The following CTNNA3 variants were observed in gnomAD, a reference collection of about 807,000 sequenced individuals.
CTNNA3 encodes catenin alpha-3.
Under a neutral mutation model 95.7 loss-of-function variants are expected in CTNNA3, and 76 were observed. That is an observed-to-expected ratio of 0.79 (90% CI 0.66 to 0.96). The LOEUF is 0.96. Ranked by LOEUF, CTNNA3 falls within the 40% of genes least tolerant of loss-of-function variation. The probability of loss-of-function intolerance (pLI) is 0.00; values close to 1 mark genes in which losing one functional copy is unlikely to be tolerated. For synonymous variants in CTNNA3, 431 were observed against 374.4 expected, an observed-to-expected ratio of 1.15 and a Z score of -1.74; for missense variants, 1,191 against 1,089.8, an observed-to-expected ratio of 1.09 and a Z score of -1.31.
At chr10:66,775,369 AC>A in intron 8 of CTNNA3, 74 bp downstream of exon 8, 1 of 990,360 alleles carries the variant, frequency 1.0e-6, no homozygotes, top group Non-Finnish European at 1.5e-6. Context: ...AAAACAAGAA[AC>A]AAATATGCCT....
intron 5 of CTNNA3, among the ~76,000 whole-genome samples, chr10:67,389,920 G>A (rs1844382349): frequency 1.3e-5 from 2 of 150,544 alleles, no homozygotes; most frequent in African/African-American, 4.9e-5. Context: ...TGTGTAGAGG[G>A]AAATTTATAG....
At chr10:67,630,276 A>AC (rs1839099210) in intron 2 of CTNNA3, among the ~76,000 whole-genome samples, 1 of 152,224 alleles carries the variant, frequency 6.6e-6, no homozygotes, top group Admixed American at 6.5e-5. Context: ...ATCCACTTTG[A>AC]CCACATAACT....
chr10:66,935,589 A>T (rs1449071111), intron 7 of CTNNA3, among the ~76,000 whole-genome samples: 1 of 151,962 alleles, frequency 6.6e-6, no homozygotes, highest in Admixed American at 6.6e-5. Flanking sequence ...TTACATACGT[A>T]TTTGTATTTC....
chr10:67,729,969 C>T (rs1317592887), intron 1 of CTNNA3, among the ~76,000 whole-genome samples: 1 of 152,112 alleles, frequency 6.6e-6, no homozygotes, highest in Non-Finnish European at 1.5e-5. Flanking sequence ...GCTCCTAACA[C>T]TGTACAAAAG....
At chr10:67,159,374 C>CAG (rs1861441441) in intron 7 of CTNNA3, among the ~76,000 whole-genome samples, 6 of 152,294 alleles carry the variant, frequency 3.9e-5, no homozygotes, top group African/African-American at 1.4e-4. Flanking sequence ...GAGGTTTTGT[C>CAG]TGCGGCTCGT....
intron 3 of CTNNA3, among the ~76,000 whole-genome samples, chr10:67,543,489 C>T (rs1374951014): frequency 2.6e-5 from 4 of 151,852 alleles, no homozygotes; most frequent in East Asian, 3.8e-4. Context: ...TCTAAAAGTG[C>T]TTATATTGAT....
intron 7 of CTNNA3, among the ~76,000 whole-genome samples, chr10:66,837,897 G>C (rs1461869326): frequency 6.6e-6 from 1 of 151,964 alleles, no homozygotes; most frequent in East Asian, 1.9e-4. Context: ...GCCGCCACTT[G>C]TCCATGTCTC....
chr10:67,540,001 AC>A (rs1445310278), intron 3 of CTNNA3, among the ~76,000 whole-genome samples: 2 of 152,172 alleles, frequency 1.3e-5, no homozygotes, highest in African/African-American at 4.8e-5. Flanking sequence ...TCAATCATAA[AC>A]AATCCTGCTT....
intron 7 of CTNNA3, among the ~76,000 whole-genome samples, chr10:67,074,528 T>C (rs1284235214): frequency 1.3e-5 from 2 of 151,382 alleles, no homozygotes; most frequent in Non-Finnish European, 2.9e-5. Context: ...TTTTCTGTAT[T>C]TTTAGTAGAG....
chr10:66,522,270 A>G (rs1841093476), intron 10 of CTNNA3, among the ~76,000 whole-genome samples: 1 of 152,102 alleles, frequency 6.6e-6, no homozygotes, highest in Non-Finnish European at 1.5e-5. Flanking sequence ...TCTTCCACTC[A>G]AACTTTGCCA....
chr10:66,454,340 C>G (rs1011312961), intron 11 of CTNNA3, among the ~76,000 whole-genome samples: 1 of 152,016 alleles, frequency 6.6e-6, no homozygotes, highest in Non-Finnish European at 1.5e-5. Context: ...TGATAAGACT[C>G]TAGCAAGATT....
Position 66,073,272 on chromosome 10 carries a change from G to A in CTNNA3, c.1978-3783C>T, listed in dbSNP as rs74140942. On this transcript the variant is annotated intron_variant, in intron 14 of 17. Coordinates refer to ENST00000433211, the MANE Select transcript of CTNNA3 (RefSeq NM_013266.4). ...GAAACATGCTGAGTGAGTGTAAAGTGTTCTCACCACAAAGATGATAACTGT... is the reference window on the plus strand; with the variant it reads ...GAAACATGCTGAGTGAGTGTAAAGTATTCTCACCACAAAGATGATAACTGT... Among the ~76,000 whole-genome samples the A allele has an allele frequency of 5.8e-3, 881 of 152,258 alleles. 9 individuals are homozygous for A. Among genetic ancestry groups the A allele is most frequent in the African/African-American group, 0.02 (836 of 41,556 alleles).
intron 9 of CTNNA3, among the ~76,000 whole-genome samples, chr10:66,701,948 AAATTGT>A (rs1233294527): frequency 6.6e-6 from 1 of 152,154 alleles, no homozygotes; most frequent in African/African-American, 2.4e-5. Flanking sequence ...GTTAATGAAA[AAATTGT>A]ATATTTTAAA....
At chr10:66,021,553 G>T (rs2079208960) in intron 15 of CTNNA3, among the ~76,000 whole-genome samples, 1 of 152,098 alleles carries the variant, frequency 6.6e-6, no homozygotes, top group Non-Finnish European at 1.5e-5. Flanking sequence ...CATTCTTACT[G>T]CTTCATTCAT....
chr10:67,562,722 T>C (rs1213748406), intron 3 of CTNNA3, among the ~76,000 whole-genome samples: 2 of 152,210 alleles, frequency 1.3e-5, no homozygotes, highest in Non-Finnish European at 2.9e-5. Flanking sequence ...GATAACGTGA[T>C]AGTATATCTA....
At chr10:67,585,675 G>A (rs1842600042) in intron 3 of CTNNA3, among the ~76,000 whole-genome samples, 2 of 151,928 alleles carry the variant, frequency 1.3e-5, no homozygotes, top group African/African-American at 4.8e-5. Flanking sequence ...GTTATCAGTT[G>A]TAATCTCTTC....
intron 2 of CTNNA3, among the ~76,000 whole-genome samples, chr10:67,621,716 T>G (rs1015245256): frequency 6.9e-6 from 1 of 145,622 alleles, no homozygotes; most frequent in Admixed American, 7.0e-5. Context: ...GCCACTGCAC[T>G]CCAGCCTAGG....
intron 11 of CTNNA3, among the ~76,000 whole-genome samples, chr10:66,511,984 A>G (rs764613257): frequency 4.6e-5 from 7 of 151,872 alleles, no homozygotes; most frequent in Non-Finnish European, 8.8e-5. Flanking sequence ...GTTCTCAACT[A>G]TTATTACATT....
chr10:67,695,071 C>T (rs2133596124), intron 1 of CTNNA3, among the ~76,000 whole-genome samples: 1 of 152,292 alleles, frequency 6.6e-6, no homozygotes, highest in East Asian at 1.9e-4. Context: ...CATGGATAAT[C>T]TGAATCTTCA....
Sources: allele counts gnomAD v4.1 joint callset (sites outside exome capture counted in the v4.1 genomes callset), GRCh38; gene constraint gnomAD v4.1.1; transcripts MANE v1.5; gene names NCBI Gene and HGNC (gene_info 2026-07-23, HGNC 2026-07-21).